The following SCFD2 variants were observed in gnomAD, a reference collection of about 807,000 sequenced individuals.
SCFD2 encodes the protein sec1 family domain-containing protein 2.
A neutral mutation model predicts 58.9 loss-of-function variants in SCFD2; 54 were observed. That is an observed-to-expected ratio of 0.92 (90% confidence interval 0.74 to 1.15). The LOEUF is 1.15. SCFD2 is among the 50% of genes most tolerant of loss of function. The pLI, the probability that SCFD2 is intolerant of heterozygous loss-of-function variation, is 0.00. For missense variants in SCFD2, 805 were observed against 836.6 expected (o/e 0.96, Z 0.47); for synonymous variants, 321 against 335.9 (o/e 0.96, Z 0.49).
intron 5 of SCFD2, among the ~76,000 whole-genome samples, chr4:53,087,729 G>A (rs1317021635): frequency 3.5e-5 from 5 of 142,412 alleles, no homozygotes; most frequent in Admixed American, 1.5e-4. Flanking sequence ...GCATGATCTC[G>A]GCTCACTGCA....
Position 53,352,622 on chromosome 4 carries a change from G to T in SCFD2, c.983C>A (p.Ala328Glu). ...CCTGGATTGTGAAAGACAGCCTGGTGCAACCACATTATAATTTTCCTCCTC... is the reference window on the plus strand; with the variant it reads ...CCTGGATTGTGAAAGACAGCCTGGTTCAACCACATTATAATTTTCCTCCTC... ...HTEEENYNVV[A>E]PGCLSQSSDT... The change falls in exon 2 of 9, where the codon GCA (alanine) becomes GAA (glutamate). Residue 328 changes from alanine to glutamate, a missense_variant. Physicochemically the swap from Ala to Glu is moderately radical, Grantham distance 107. Around this residue, in one of 3 missense-constraint regions of SCFD2, gnomAD observed 633 missense variants for 646.8 expected, o/e 0.98. Transcript: ENST00000401642. 1 of 1,613,566 alleles carries T rather than the reference G, an allele frequency of 6.2e-7. No homozygotes were observed. Among genetic ancestry groups the T allele is most frequent in the Non-Finnish European group, 8.5e-7 (1 of 1,179,596 alleles).
chr4:53,133,750 A>T (rs779127170), intron 5 of SCFD2, among the ~76,000 whole-genome samples: 1 of 152,210 alleles, frequency 6.6e-6, no homozygotes, highest in African/African-American at 2.4e-5. Context: ...GGAAAAACAA[A>T]TCCTCAACTC....
chr4:52,930,295 T>C (rs1719959695), intron 5 of SCFD2, among the ~76,000 whole-genome samples: 1 of 152,170 alleles, frequency 6.6e-6, no homozygotes, highest in South Asian at 2.1e-4. Context: ...CTGGGAAAAC[T>C]GGCTAGCCAT....
intron 1 of SCFD2, among the ~76,000 whole-genome samples, chr4:53,362,847 T>C (rs1284593503): frequency 2.6e-5 from 4 of 152,344 alleles, no homozygotes; most frequent in African/African-American, 9.6e-5. Flanking sequence ...GAGGCTTTAG[T>C]CTACATAGGT....
At chr4:53,261,865 T>C (rs1329673334) in intron 4 of SCFD2, among the ~76,000 whole-genome samples, 1 of 152,206 alleles carries the variant, frequency 6.6e-6, no homozygotes, top group Non-Finnish European at 1.5e-5. Context: ...TCTGATTTCT[T>C]AGGTCTAGCA....
intron 8 of SCFD2, among the ~76,000 whole-genome samples, chr4:52,876,300 T>G (rs1718472498): frequency 6.6e-6 from 1 of 152,240 alleles, no homozygotes; most frequent in African/African-American, 2.4e-5. Flanking sequence ...AGCTGCTGTA[T>G]TATTGTGGTT....
At chr4:52,978,897 T>C (rs1423314386) in intron 5 of SCFD2, among the ~76,000 whole-genome samples, 1 of 152,028 alleles carries the variant, frequency 6.6e-6, no homozygotes, top group Non-Finnish European at 1.5e-5. Context: ...GAAAAATGTG[T>C]TTAGCCAGTG....
chr4:52,915,407 T>G (rs998883787), intron 6 of SCFD2, among the ~76,000 whole-genome samples: 3 of 152,236 alleles, frequency 2.0e-5, no homozygotes, highest in African/African-American at 7.2e-5. Flanking sequence ...GTATTCATTT[T>G]GTTTCAACCC....
chr4:53,313,462 G>A (rs971332609), intron 3 of SCFD2, among the ~76,000 whole-genome samples, 174 bp downstream of exon 3: 7 of 152,176 alleles, frequency 4.6e-5, no homozygotes, highest in South Asian at 2.1e-4. Context: ...AAGAAAAGTG[G>A]TCATTGCTGA....
chr4:52,988,439 G>T (rs1220827824), intron 5 of SCFD2, among the ~76,000 whole-genome samples: 1 of 152,146 alleles, frequency 6.6e-6, no homozygotes, highest in Non-Finnish European at 1.5e-5. Flanking sequence ...CAATGTCCTG[G>T]TTACACAGCT....
chr4:53,083,966 G>A (rs1400629197), intron 5 of SCFD2, among the ~76,000 whole-genome samples: 1 of 152,094 alleles, frequency 6.6e-6, no homozygotes, highest in Admixed American at 6.6e-5. Flanking sequence ...AGATCACAGG[G>A]CAAAGGGCAA....
At chr4:53,069,067 G>C (rs1320541973) in intron 5 of SCFD2, among the ~76,000 whole-genome samples, 2 of 152,038 alleles carry the variant, frequency 1.3e-5, no homozygotes, top group African/African-American at 4.8e-5. Context: ...GAAGGCTTTG[G>C]CAGGATTCTC....
intron 4 of SCFD2, chr4:53,265,333 T>G (rs1160977596): frequency 1.3e-5 from 2 of 152,206 alleles, no homozygotes; most frequent in South Asian, 4.1e-4. Flanking sequence ...TTTATTATTA[T>G]TATTACCACT....
At chr4:52,892,767 T>C (rs1718907989) in intron 7 of SCFD2, among the ~76,000 whole-genome samples, 1 of 152,214 alleles carries the variant, frequency 6.6e-6, no homozygotes, top group South Asian at 2.1e-4. Context: ...GTAAGCTACA[T>C]GATATAGCTG....
intron 5 of SCFD2, among the ~76,000 whole-genome samples, chr4:53,084,260 T>C (rs1724236753): frequency 6.6e-6 from 1 of 152,150 alleles, no homozygotes; most frequent in African/African-American, 2.4e-5. Context: ...TTAATATTCC[T>C]TGCTAGGAAA....
At chr4:53,205,853 C>A (rs574756244) in intron 4 of SCFD2, among the ~76,000 whole-genome samples, 9 of 148,344 alleles carry the variant, frequency 6.1e-5, no homozygotes, top group Admixed American at 5.4e-4. Context: ...TTGAGCGAGA[C>A]TGTCTCAAAA....
At chr4:53,252,916 C>T (rs1375854733) in intron 4 of SCFD2, among the ~76,000 whole-genome samples, 1 of 152,122 alleles carries the variant, frequency 6.6e-6, no homozygotes, top group Non-Finnish European at 1.5e-5. Context: ...AGCGCTTCTG[C>T]ACAGCAAAAG....
At chr4:53,278,063 C>A (rs371634821) in intron 3 of SCFD2, among the ~76,000 whole-genome samples, 10 of 136,130 alleles carry the variant, frequency 7.3e-5, no homozygotes, top group East Asian at 2.3e-4. Context: ...AAACAAAAAA[C>A]AAAAAAAAAA....
intron 5 of SCFD2, among the ~76,000 whole-genome samples, chr4:53,020,563 C>T (rs1722322241): frequency 1.3e-5 from 2 of 152,162 alleles, no homozygotes; most frequent in Admixed American, 6.5e-5. Context: ...CTCATCGACT[C>T]CCATGACCCT....
Sources: gnomAD v4.1 joint callset for allele counts (sites outside exome capture counted in the v4.1 genomes callset) on GRCh38, gnomAD v4.1.1 for gene constraint, gnomAD v4.1.1 regional missense constraint, MANE v1.5 for transcripts, NCBI Gene and HGNC (gene_info 2026-07-23, HGNC 2026-07-21) for gene names.